MED12L: variants seen among roughly 807,000 people sequenced by gnomAD.
The protein encoded by MED12L is mediator complex subunit 12L.
In MED12L, 60 loss-of-function variants were observed where a neutral mutation model predicts 281.3. The observed-to-expected ratio is 0.21, with a 90% CI of 0.17 to 0.26. The LOEUF (loss-of-function observed/expected upper bound fraction) is 0.26. Ranked by LOEUF, MED12L falls within the 10% of genes least tolerant of loss-of-function variation. MED12L has a pLI of 1.00. For missense variants in MED12L, 2,146 were observed against 2,680.9 expected, an observed-to-expected ratio of 0.80 and a Z score of 4.41; for synonymous variants, 974 against 987.2, an observed-to-expected ratio of 0.99 and a Z score of 0.25.
chr3:151,156,301 A>C lies in MED12L; in HGVS notation c.697A>C (p.Asn233His). 6.2e-7 allele frequency: 1 copy of C among 1,611,164 alleles called. No individual in the cohort carries two copies. The highest frequency in any genetic ancestry group is 8.5e-7 in the Non-Finnish European group (1 of 1,178,870). Residue 233 changes from asparagine to histidine, a missense_variant, in exon 6 of 45, where the codon AAC becomes CAC. Transcript: ENST00000687756. ...VEQAMKQWEY[N>H]EKLAFHMFQE... is the part of the protein sequence containing the mutation. ...GCAAGCCATGAAGCAATGGGAATAC[A>C]ACGAAAAGCTAGCATTTCACATGTT...
At position 151,390,045 on chromosome 3, in the gene MED12L, C is replaced by G; in HGVS notation, c.5518C>G (p.His1840Asp). The G allele has an allele frequency of 6.2e-7, 1 of 1,614,124 alleles. No individual in the cohort carries two copies. The highest frequency in any genetic ancestry group is 1.3e-5 in the African/African-American group (1 of 75,062). Reference protein sequence around the residue: ...NYSPISSQMMHHPQSTLWGYN... With the variant: ...NYSPISSQMMDHPQSTLWGYN... ...CTCGCCTATCTCCTCCCAAATGATG[C>G]ACCATCCACAGTCCACCTTGTGGGG... The change falls in exon 38 of 45, where the codon CAC becomes GAC. Residue 1840 changes from histidine to aspartate, a missense_variant. By Grantham distance (81) the His-to-Asp change is moderately conservative. Coordinates refer to ENST00000687756, the MANE Select transcript of MED12L (RefSeq NM_001393769.1).
Position 151,387,806 on chromosome 3 carries a change from A to G in MED12L, c.5089-4A>G, listed in dbSNP as rs1713647984. ...TGCTATCTTAGAGCGCTATTTTCCC[A>G]CAGGGTCTCCAGGTCTCTACGAAGC... On this transcript the variant is annotated splice_region_variant and splice_polypyrimidine_tract_variant and intron_variant, in intron 36 of 44. Transcript: ENST00000687756. 6.2e-7 allele frequency: 1 copy of G among 1,603,714 alleles called. No individual in the cohort carries two copies.
chr3:151,281,557 G>A (rs1326375642), intron 16 of MED12L, among the ~76,000 whole-genome samples: 2 of 152,176 alleles, frequency 1.3e-5, no homozygotes, highest in African/African-American at 2.4e-5. Flanking sequence ...TGGTCCTTGT[G>A]TGCAAGAATC....
chr3:151,181,451 C>T (rs1722682178), intron 11 of MED12L, among the ~76,000 whole-genome samples: 1 of 151,008 alleles, frequency 6.6e-6, no homozygotes, highest in Non-Finnish European at 1.5e-5. Context: ...GGGTCTGGCT[C>T]TGTTGCCTAG....
rs61744642 is a variant in MED12L at position 151,413,249 on chromosome 3, T to G, written c.6251T>G (p.Met2084Arg). ...LPSVPLPQDP[M>R]RPRQPQVRQQ... ...TCCGTGCCCCTGCCTCAGGATCCCATGAGACCCAGACAGCCGCAAGTTCGA... is the reference window on the plus strand; with the variant it reads ...TCCGTGCCCCTGCCTCAGGATCCCAGGAGACCCAGACAGCCGCAAGTTCGA... Residue 2084 changes from methionine to arginine, a missense_variant, in exon 42 of 45, where the codon ATG becomes AGG. Physicochemically the swap from Met to Arg is moderately conservative, Grantham distance 91. Coordinates refer to ENST00000687756, the MANE Select transcript of MED12L (RefSeq NM_001393769.1). 1 of 1,614,136 alleles carries G rather than the reference T, an allele frequency of 6.2e-7. No homozygotes were observed. The highest frequency in any genetic ancestry group is 1.3e-5 in the African/African-American group (1 of 75,034).
chr3:151,275,680 G>T, intron 16 of MED12L, among the ~76,000 whole-genome samples: 1 of 152,046 alleles, frequency 6.6e-6, no homozygotes, highest in East Asian at 1.9e-4. Context: ...AGGGTGCTAG[G>T]GAGGAAAAGA....
intron 41 of MED12L, among the ~76,000 whole-genome samples, chr3:151,411,970 C>T (rs992673875): frequency 6.6e-6 from 1 of 152,176 alleles, no homozygotes; most frequent in Non-Finnish European, 1.5e-5. Context: ...ACCTTTTCCA[C>T]CTCAAAGATA....
chr3:151,383,469 C>G (rs772932508), intron 33 of MED12L, among the ~76,000 whole-genome samples: 4 of 152,190 alleles, frequency 2.6e-5, no homozygotes, highest in Non-Finnish European at 5.9e-5. Flanking sequence ...TTTAATTCAA[C>G]TATAATTGCA....
chr3:151,262,968 A>G (rs2904430), intron 16 of MED12L, among the ~76,000 whole-genome samples: 71,029 of 151,974 alleles, frequency 0.47, 16,718 homozygotes, highest in Middle Eastern at 0.65. Context: ...GGGAAGCCGT[A>G]GTTCTCTAGG....
intron 16 of MED12L, among the ~76,000 whole-genome samples, chr3:151,236,504 G>T (rs1015998056): frequency 1.3e-5 from 2 of 152,114 alleles, no homozygotes; most frequent in East Asian, 1.9e-4. Context: ...TAACCAAAAC[G>T]AAAGCCAAGA....
intron 43 of MED12L, among the ~76,000 whole-genome samples, chr3:151,429,184 G>A (rs1650832292): frequency 6.6e-6 from 1 of 152,228 alleles, no homozygotes; most frequent in Non-Finnish European, 1.5e-5. Flanking sequence ...TGGCCAGCCA[G>A]CAGAGACTCA....
intron 4 of MED12L, among the ~76,000 whole-genome samples, chr3:151,126,960 G>T (rs145069297): frequency 9.2e-5 from 14 of 152,258 alleles, no homozygotes; most frequent in African/African-American, 3.4e-4. Flanking sequence ...CTGGCGTGGG[G>T]CATGTCCTTG....
At chr3:151,267,022 ATACTG>A (rs2149527177) in intron 16 of MED12L, among the ~76,000 whole-genome samples, 1 of 152,344 alleles carries the variant, frequency 6.6e-6, no homozygotes, top group African/African-American at 2.4e-5. Flanking sequence ...AATTACATCT[ATACTG>A]TAAAGTACAA....
At chr3:151,188,527 A>AT (rs146901990) in intron 13 of MED12L, 47 bp downstream of exon 13, 19,658 of 1,426,438 alleles carry the variant, frequency 0.014, 185 homozygotes, top group South Asian at 0.074. Context: ...TAAGGGATTG[A>AT]TTTTTTTTTT....
intron 16 of MED12L, chr3:151,327,270 A>C (rs1020747593): frequency 6.6e-6 from 1 of 152,182 alleles, no homozygotes; most frequent in African/African-American, 2.4e-5. Flanking sequence ...GCCATGTTTA[A>C]CCATCATTAG....
chr3:151,329,135 C>A (rs940453885), intron 16 of MED12L: 1 of 663,670 alleles, frequency 1.5e-6, no homozygotes, highest in South Asian at 2.2e-5. Flanking sequence ...CCAACACTTT[C>A]AATAGATGTG....
Position 151,132,632 on chromosome 3 carries a change from C to T in MED12L, c.556+4648C>T, listed in dbSNP as rs1196493564. ...TTCTCCTTCAAAGTTACTATTCTAC[C>T]CTTTGTAATTAGTAATTTACCTGTG... On this transcript the variant is annotated intron_variant, in intron 5 of 44. Transcript: ENST00000687756. Among the ~76,000 whole-genome samples, 4 of 152,002 alleles carry T rather than the reference C, an allele frequency of 2.6e-5. No homozygotes were observed. In the East Asian group the frequency reaches 7.7e-4, roughly 29 times the overall value.
intron 5 of MED12L, among the ~76,000 whole-genome samples, chr3:151,143,897 T>G (rs1343743727): frequency 1.3e-5 from 2 of 152,220 alleles, no homozygotes; most frequent in Non-Finnish European, 2.9e-5. Context: ...AATTTAATAT[T>G]TGTAAAAATG....
chr3:151,208,543 G>C (rs187619569), intron 16 of MED12L, among the ~76,000 whole-genome samples: 1 of 152,090 alleles, frequency 6.6e-6, no homozygotes, highest in Admixed American at 6.5e-5. Context: ...TTAGCCAGGC[G>C]TGATGGCGGG....
Sources: allele counts gnomAD v4.1 joint callset (sites outside exome capture counted in the v4.1 genomes callset), GRCh38; gene constraint gnomAD v4.1.1; transcripts MANE v1.5; gene names NCBI Gene and HGNC (gene_info 2026-07-23, HGNC 2026-07-21).